C1orf21: variants seen among roughly 807,000 people sequenced by gnomAD.
C1orf21 encodes the protein uncharacterized protein C1orf21.
C1orf21 carries 3 observed loss-of-function variants against 18.7 expected under a neutral mutation model. The ratio of observed to expected loss-of-function variants is 0.16; its 90% confidence interval spans 0.07 to 0.42. C1orf21 has a LOEUF of 0.42. Among genes scored for constraint, C1orf21 ranks in the 10% least tolerant of loss-of-function variants. The pLI is 0.99. For missense variants in C1orf21, 104 were observed against 143.6 expected (o/e 0.72, Z 1.41); for synonymous variants, 41 against 46.4 (o/e 0.88, Z 0.47).
At chr1:184,586,897 A>G in intron 3 of C1orf21, among the ~76,000 whole-genome samples, 1 of 152,178 alleles carries the variant, frequency 6.6e-6, no homozygotes, top group East Asian at 1.9e-4. Flanking sequence ...GTTGTCTTCC[A>G]GAGTTTTTAT....
intron 3 of C1orf21, among the ~76,000 whole-genome samples, chr1:184,557,560 T>G (rs1216740253): frequency 6.6e-6 from 1 of 152,224 alleles, no homozygotes; most frequent in East Asian, 1.9e-4. Flanking sequence ...TCCATCCAGG[T>G]TGATGTGAAT....
intron 3 of C1orf21, among the ~76,000 whole-genome samples, chr1:184,566,303 C>T (rs1659035075): frequency 1.3e-5 from 2 of 152,316 alleles, no homozygotes; most frequent in South Asian, 4.1e-4. Flanking sequence ...GGGCCATCTG[C>T]TGCCCTTTTG....
chr1:184,436,108 A>T (rs1257426243), intron 1 of C1orf21, among the ~76,000 whole-genome samples: 1 of 152,108 alleles, frequency 6.6e-6, no homozygotes, highest in Non-Finnish European at 1.5e-5. Context: ...GATGCTGGTG[A>T]TGGATGCAGG....
At chr1:184,495,160 T>C (rs550632245) in intron 2 of C1orf21, among the ~76,000 whole-genome samples, 1 of 152,330 alleles carries the variant, frequency 6.6e-6, no homozygotes, top group East Asian at 1.9e-4. Flanking sequence ...GGCAAGTTTC[T>C]ACTCTCGCCT....
At chr1:184,596,486 G>A (rs1007128807) in intron 4 of C1orf21, among the ~76,000 whole-genome samples, 5 of 152,122 alleles carry the variant, frequency 3.3e-5, no homozygotes, top group Admixed American at 2.0e-4. Context: ...TAAAAATGCC[G>A]TTTTTTATGA....
intron 3 of C1orf21, among the ~76,000 whole-genome samples, chr1:184,563,533 G>A (rs1020193410): frequency 2.6e-5 from 4 of 152,184 alleles, no homozygotes; most frequent in East Asian, 1.9e-4. Context: ...ATTTCAGGCC[G>A]TCAGACTAGA....
intron 1 of C1orf21, among the ~76,000 whole-genome samples, chr1:184,445,140 C>T (rs974348156): frequency 6.6e-6 from 1 of 152,070 alleles, no homozygotes; most frequent in African/African-American, 2.4e-5. Context: ...ATATGTTGCC[C>T]TTATTTTTTA....
chr1:184,403,408 C>G (rs75013317), intron 1 of C1orf21, among the ~76,000 whole-genome samples: 2,869 of 152,182 alleles, frequency 0.019, 99 homozygotes, highest in African/African-American at 0.064. Context: ...AAGATAGACT[C>G]ATAAATGGGA....
chr1:184,419,150 G>A (rs1656506150), intron 1 of C1orf21, among the ~76,000 whole-genome samples: 1 of 152,176 alleles, frequency 6.6e-6, no homozygotes, highest in Admixed American at 6.5e-5. Flanking sequence ...AGCACAGGCA[G>A]TCACGGTGGT....
Position 184,619,689 on chromosome 1 carries a change from C to T in C1orf21, c.*133C>T. ...AAGAAGATCGTTCCATATTGTACGC[C>T]CCATTAAATTACAGTGTTTCTTAAT... On this transcript the variant is annotated 3_prime_UTR_variant, in exon 6 of 6. Coordinates refer to ENST00000235307, the MANE Select transcript of C1orf21 (RefSeq NM_030806.4). The T allele has an allele frequency of 1.5e-6, 1 of 675,322 alleles. No homozygotes were observed. The highest frequency in any genetic ancestry group is 2.4e-6 in the Non-Finnish European group (1 of 415,776). 41.8% of individuals were successfully genotyped at this position (675,322 alleles called of 1,614,324 possible).
chr1:184,393,146 CCTTA>C (rs1172752828), intron 1 of C1orf21, among the ~76,000 whole-genome samples: 2 of 152,148 alleles, frequency 1.3e-5, no homozygotes, highest in Non-Finnish European at 2.9e-5. Flanking sequence ...CTATCCCACA[CCTTA>C]CTTTTGCCTG....
At position 184,423,863 on chromosome 1, in the gene C1orf21, AT is replaced by A. The variant is rs1656586910; in HGVS notation, c.-125+36496del. 6.3e-5 allele frequency among the ~76,000 whole-genome samples: 9 copies of A among 142,414 alleles called. 1 individual carries two copies. Among genetic ancestry groups the A allele is most frequent in the Admixed American group, 4.3e-4 (6 of 14,058 alleles). The allele number at this position is 142,414 out of a possible 152,430, so 93.4% of individuals were successfully genotyped here. A position where few individuals can be genotyped will look rare whatever the true frequency, so the allele number is the denominator to read the frequency against. On this transcript the variant is annotated intron_variant, in intron 1 of 5. Transcript: ENST00000235307. ...CCACTCATCCATCCACCCATCGTCC[AT>A]CCATCCATCCATCCATCCATCCATC...
chr1:184,433,056 C>T (rs1299955149), intron 1 of C1orf21, among the ~76,000 whole-genome samples: 3 of 152,212 alleles, frequency 2.0e-5, no homozygotes, highest in African/African-American at 7.2e-5. Flanking sequence ...CCACAAATAG[C>T]TCTCTTTGCT....
At chr1:184,511,609 A>G (rs1658147439) in intron 3 of C1orf21, among the ~76,000 whole-genome samples, 1 of 152,194 alleles carries the variant, frequency 6.6e-6, no homozygotes, top group Admixed American at 6.5e-5. Flanking sequence ...CTATAGGTAT[A>G]CATTTAGATC....
At chr1:184,560,658 C>T (rs571143330) in intron 3 of C1orf21, among the ~76,000 whole-genome samples, 2 of 152,248 alleles carry the variant, frequency 1.3e-5, no homozygotes, top group South Asian at 2.1e-4. Context: ...CGATCAGCTT[C>T]CTCCCAGCCA....
chr1:184,551,943 T>TTA (rs537675837), intron 3 of C1orf21, among the ~76,000 whole-genome samples: 1 of 139,798 alleles, frequency 7.2e-6, no homozygotes, highest in African/African-American at 2.7e-5. Context: ...GACCCTGTCT[T>TTA]AAAAAAAAAA....
intron 1 of C1orf21, among the ~76,000 whole-genome samples, chr1:184,459,042 G>A (rs1363418050): frequency 6.6e-6 from 1 of 152,162 alleles, no homozygotes; most frequent in Non-Finnish European, 1.5e-5. Context: ...ACCCTTCTAT[G>A]TAGATTGCAT....
At chr1:184,537,931 G>A (rs1235777484) in intron 3 of C1orf21, among the ~76,000 whole-genome samples, 1 of 152,164 alleles carries the variant, frequency 6.6e-6, no homozygotes, top group Non-Finnish European at 1.5e-5. Context: ...TTGCAGGAGT[G>A]AGCTACCGCA....
Position 184,507,636 on chromosome 1 carries a change from G to A in C1orf21, c.143G>A (p.Gly48Glu). The change falls in exon 3 of 6, where the codon GGG becomes GAG. Residue 48 changes from glycine to glutamate, a missense_variant. Coordinates refer to ENST00000235307, the MANE Select transcript of C1orf21 (RefSeq NM_030806.4). Reference sequence around the variant, plus strand: ...GAAGAGGTCAAATACATGAAAAATGGGGCAGAAGAAGAGCAGAAAATAGCA... The same window carrying A: ...GAAGAGGTCAAATACATGAAAAATGAGGCAGAAGAAGAGCAGAAAATAGCA... Reference protein sequence around the residue: ...PVEEVKYMKNGAEEEQKIAAR... With the variant: ...PVEEVKYMKNEAEEEQKIAAR... 1 of 1,605,670 alleles carries A rather than the reference G, an allele frequency of 6.2e-7. No homozygotes were observed. The highest frequency in any genetic ancestry group is 8.5e-7 in the Non-Finnish European group (1 of 1,177,052).
Sources: gnomAD v4.1 joint callset for allele counts (sites outside exome capture counted in the v4.1 genomes callset) on GRCh38, gnomAD v4.1.1 for gene constraint, MANE v1.5 for transcripts, NCBI Gene and HGNC (gene_info 2026-07-23, HGNC 2026-07-21) for gene names.